Variants in EYS observed in about 807,000 individuals in gnomAD.
EYS encodes protein eyes shut homolog.
Under a neutral mutation model 282.1 loss-of-function variants are expected in EYS, and 250 were observed. The ratio of observed to expected loss-of-function variants is 0.89; its 90% CI spans 0.80 to 0.98. EYS has a LOEUF of 0.98. Ranked by LOEUF, EYS falls within the 50% of genes least tolerant of loss-of-function variation. The probability of loss-of-function intolerance (pLI) is 0.00; values close to 1 mark genes in which losing one functional copy is unlikely to be tolerated. For missense variants in EYS, 4,016 were observed against 3,709.0 expected (o/e 1.08, Z -2.15); for synonymous variants, 1,355 against 1,282.9 (o/e 1.06, Z -1.20).
intron 33 of EYS, 140 bp from the exon 34 acceptor site, chr6:63,999,323 A>C: frequency 1.5e-6 from 1 of 678,150 alleles, no homozygotes; most frequent in Non-Finnish European, 2.7e-6. Context: ...GACCCAGCCA[A>C]GTGTGGACAT....
At chr6:64,879,172 T>C (rs1181720020) in intron 19 of EYS, among the ~76,000 whole-genome samples, 1 of 152,132 alleles carries the variant, frequency 6.6e-6, no homozygotes, top group Non-Finnish European at 1.5e-5. Flanking sequence ...TCACTGTGTA[T>C]GTCCTCACCT....
chr6:65,556,822 A>G (rs981893027), intron 2 of EYS, among the ~76,000 whole-genome samples: 1 of 152,132 alleles, frequency 6.6e-6, no homozygotes, highest in Admixed American at 6.6e-5. Context: ...CTGTCTTTTC[A>G]TATGAATTCT....
intron 29 of EYS, among the ~76,000 whole-genome samples, chr6:64,347,409 G>C (rs908941448): frequency 6.6e-6 from 1 of 151,336 alleles, no homozygotes; most frequent in African/African-American, 2.4e-5. Flanking sequence ...AATATTTACA[G>C]ATAAAATGTT....
intron 15 of EYS, among the ~76,000 whole-genome samples, chr6:64,915,279 T>A (rs1422900300): frequency 6.6e-6 from 1 of 152,162 alleles, no homozygotes. Flanking sequence ...TATACTATCT[T>A]GTGTTAAAAT....
At chr6:63,837,002 G>T (rs1441099013) in intron 36 of EYS, among the ~76,000 whole-genome samples, 2 of 151,792 alleles carry the variant, frequency 1.3e-5, no homozygotes, top group African/African-American at 4.8e-5. Context: ...TTAATTTGAG[G>T]GTTGGGACTA....
intron 37 of EYS, among the ~76,000 whole-genome samples, chr6:63,801,625 G>A (rs558816696): frequency 6.6e-6 from 1 of 152,292 alleles, no homozygotes; most frequent in Non-Finnish European, 1.5e-5. Context: ...AGAGAGTGGA[G>A]GGCAGGAAAG....
intron 35 of EYS, among the ~76,000 whole-genome samples, chr6:63,904,634 C>A (rs964820582): frequency 6.6e-6 from 1 of 152,188 alleles, no homozygotes; most frequent in Non-Finnish European, 1.5e-5. Context: ...TAATGGGACT[C>A]TCCTCTCTGC....
intron 29 of EYS, among the ~76,000 whole-genome samples, chr6:64,356,921 C>T (rs1033096804): frequency 6.6e-6 from 1 of 151,482 alleles, no homozygotes; most frequent in African/African-American, 2.4e-5. Flanking sequence ...CTTAATTAGC[C>T]CAGAATAGTT....
At chr6:64,063,666 C>T (rs1771260055) in intron 33 of EYS, among the ~76,000 whole-genome samples, 1 of 152,146 alleles carries the variant, frequency 6.6e-6, no homozygotes, top group Admixed American at 6.6e-5. Flanking sequence ...CTGTTCAAAA[C>T]ACGCTGTTCT....
chr6:64,793,431 A>G (rs922795905), intron 22 of EYS, among the ~76,000 whole-genome samples: 1 of 152,146 alleles, frequency 6.6e-6, no homozygotes, highest in Non-Finnish European at 1.5e-5. Context: ...CGAGGATCTT[A>G]AGTAATAGTA....
chr6:64,999,358 T>C (rs567270045), intron 13 of EYS, among the ~76,000 whole-genome samples: 3 of 152,348 alleles, frequency 2.0e-5, no homozygotes, highest in Non-Finnish European at 2.9e-5. Flanking sequence ...ATACACATAG[T>C]CTTGCTCTTG....
At chr6:64,592,076 C>T in intron 25 of EYS, 87 bp from the exon 26 acceptor site, 1 of 854,024 alleles carries the variant, frequency 1.2e-6, no homozygotes, top group Non-Finnish European at 1.7e-6. Flanking sequence ...AGGCAAATTG[C>T]ACTGGCACCT....
intron 26 of EYS, 74 bp downstream of exon 26, chr6:64,590,149 T>A (rs965968086): frequency 1.5e-6 from 2 of 1,330,246 alleles, no homozygotes; most frequent in African/African-American, 3.0e-5. Context: ...CCGGTGACCA[T>A]GACAGGCTCT....
chr6:64,304,285 T>G (rs1242340287), intron 30 of EYS, among the ~76,000 whole-genome samples: 1 of 152,026 alleles, frequency 6.6e-6, no homozygotes, highest in Admixed American at 6.6e-5. Context: ...ATTATCAAAA[T>G]ATATGAAGCA....
Position 65,353,467 on chromosome 6 carries a change from C to T in EYS, c.1450G>A (p.Gly484Arg), listed in dbSNP as rs1764362426. Residue 484 changes from glycine (G) to arginine (R), a missense_variant, in exon 9 of 43, where the codon GGA becomes AGA. Gly to Arg is a moderately radical substitution (Grantham distance 125). Coordinates refer to ENST00000503581, the MANE Select transcript of EYS (RefSeq NM_001142800.2). The part of the protein sequence containing the change: ...PAQFEYVWQL[G>R]FAGSEGEKCQ... ...TACATAAATTTGTTACCTGCAAATC[C>T]CAATTGCCACACATATTCAAATTGA... The T allele has an allele frequency of 1.2e-6, 2 of 1,612,686 alleles. No homozygotes were observed. The highest frequency in any genetic ancestry group is 4.5e-5 in the East Asian group (2 of 44,650).
At chr6:63,851,935 ATCACGAGG>A (rs1305039750) in intron 36 of EYS, among the ~76,000 whole-genome samples, 2 of 152,282 alleles carry the variant, frequency 1.3e-5, no homozygotes, top group African/African-American at 4.8e-5. Flanking sequence ...AGGCGGGCAG[ATCACGAGG>A]TCAGGAGATC....
chr6:65,295,037 A>G (rs1364771854), intron 12 of EYS, among the ~76,000 whole-genome samples: 1 of 151,888 alleles, frequency 6.6e-6, no homozygotes, highest in Non-Finnish European at 1.5e-5. Flanking sequence ...CCTTCAACAT[A>G]TTACTTTAAA....
At chr6:65,600,990 T>C (rs1276404328) in intron 2 of EYS, among the ~76,000 whole-genome samples, 1 of 151,974 alleles carries the variant, frequency 6.6e-6, no homozygotes, top group African/African-American at 2.4e-5. Flanking sequence ...ATATGAGTTA[T>C]TATTTCCTTT....
At chr6:65,523,333 C>A (rs142549410) in intron 2 of EYS, among the ~76,000 whole-genome samples, 1 of 151,956 alleles carries the variant, frequency 6.6e-6, no homozygotes, top group Non-Finnish European at 1.5e-5. Flanking sequence ...GACAGAATGG[C>A]GTACTATTCA....
Sources: allele counts gnomAD v4.1 joint callset (sites outside exome capture counted in the v4.1 genomes callset), GRCh38; gene constraint gnomAD v4.1.1; transcripts MANE v1.5; gene names NCBI Gene and HGNC (gene_info 2026-07-23, HGNC 2026-07-21).